Variants in CTNNBIP1 observed in about 807,000 individuals in gnomAD.
The protein encoded by CTNNBIP1 is beta-catenin-interacting protein 1.
A neutral mutation model predicts 11.8 loss-of-function variants in CTNNBIP1; 7 were observed. The ratio of observed to expected loss-of-function variants is 0.60; its 90% CI spans 0.34 to 1.12. The LOEUF is 1.12. Among genes scored for constraint, CTNNBIP1 ranks in the 50% most tolerant of loss-of-function variants. The pLI, the probability that CTNNBIP1 is intolerant of heterozygous loss-of-function variation, is 0.03. For synonymous variants in CTNNBIP1, 58 were observed against 43.9 expected (o/e 1.32, Z -1.26); for missense variants, 101 against 113.4 (o/e 0.89, Z 0.50).
intron 1 of CTNNBIP1, among the ~76,000 whole-genome samples, chr1:9,899,767 G>T (rs940194389): frequency 6.9e-6 from 1 of 144,264 alleles, no homozygotes; most frequent in Non-Finnish European, 1.5e-5. Flanking sequence ...CAAAAAAAAA[G>T]AAAGAAAGAA....
intron 3 of CTNNBIP1, among the ~76,000 whole-genome samples, chr1:9,875,411 G>A (rs1022825423): frequency 2.0e-5 from 3 of 152,182 alleles, no homozygotes; most frequent in African/African-American, 4.8e-5. Context: ...CCATGGGGCC[G>A]GCTTTACAGA....
chr1:9,902,761 CT>C (rs200463997), intron 1 of CTNNBIP1, among the ~76,000 whole-genome samples: 15,351 of 147,216 alleles, frequency 0.1, 2,541 homozygotes, highest in African/African-American at 0.35. Flanking sequence ...TGGGGAAGAA[CT>C]TTTTTTTTTT....
intron 1 of CTNNBIP1, among the ~76,000 whole-genome samples, chr1:9,899,371 G>A (rs543051190): frequency 3.4e-5 from 5 of 148,418 alleles, no homozygotes; most frequent in East Asian, 4.0e-4. Context: ...CAGGAGAATC[G>A]CTGGAACCTG....
chr1:9,865,475 G>A (rs1638724714), intron 5 of CTNNBIP1, among the ~76,000 whole-genome samples: 1 of 151,892 alleles, frequency 6.6e-6, no homozygotes, highest in Non-Finnish European at 1.5e-5. Flanking sequence ...GTGGTGGCGG[G>A]CGCCTGTAGT....
rs564930958 is a variant in CTNNBIP1, at chr1:9,872,750, G to C, written c.-24-662C>G. 4.9e-3 allele frequency among the ~76,000 whole-genome samples: 744 copies of C among 152,290 alleles called. 7 individuals carry two copies. The highest frequency in any genetic ancestry group is 0.017 in the African/African-American group (692 of 41,558). On this transcript the variant is annotated intron_variant, in intron 3 of 5. Transcript: ENST00000377263. The surrounding 1 kb of genome is among the most constrained non-coding windows in gnomAD (Gnocchi z 4.0). ...TGTCAGAGGGTAGCTCCTGCAGGCAGCTGGGAAGGCCAGCAGCGTGTCCAC... is the reference window on the plus strand; with the variant it reads ...TGTCAGAGGGTAGCTCCTGCAGGCACCTGGGAAGGCCAGCAGCGTGTCCAC...
chr1:9,863,632 CAT>C lies in CTNNBIP1; in HGVS notation c.187+7553_187+7554del, dbSNP rs959529609. On this transcript the variant is annotated intron_variant, in intron 5 of 5. Coordinates refer to ENST00000377263, the MANE Select transcript of CTNNBIP1 (RefSeq NM_020248.3). ...TGCACCAGAGGCGGGATGGGGGACT[CAT>C]GTGTGATGGTGAACACGGCACAGAC... Among the ~76,000 whole-genome samples, 44 of 152,328 alleles carry C rather than the reference CAT, an allele frequency of 2.9e-4. 1 individual carries two copies. Among genetic ancestry groups the C allele is most frequent in the Non-Finnish European group, 3.2e-4 (22 of 68,026 alleles).
chr1:9,850,912 G>A (rs1011768376), intron 5 of CTNNBIP1, 136 bp from the exon 6 acceptor site: 7 of 805,128 alleles, frequency 8.7e-6, no homozygotes, highest in East Asian at 2.5e-5. Flanking sequence ...AAGTACTTCC[G>A]AGGAAGTCTT....
chr1:9,902,401 A>G (rs894433476), intron 1 of CTNNBIP1, among the ~76,000 whole-genome samples: 3 of 152,246 alleles, frequency 2.0e-5, no homozygotes, highest in African/African-American at 7.2e-5. Context: ...CTGAAACTCA[A>G]GTTAACAGTC....
At chr1:9,906,792 CA>C (rs1639628945) in intron 1 of CTNNBIP1, among the ~76,000 whole-genome samples, 1 of 152,150 alleles carries the variant, frequency 6.6e-6, no homozygotes. Context: ...AAGACAGGGG[CA>C]GGGGCAGGAG....
At chr1:9,880,458 T>C (rs971758096) in intron 2 of CTNNBIP1, among the ~76,000 whole-genome samples, 5 of 152,232 alleles carry the variant, frequency 3.3e-5, no homozygotes, top group African/African-American at 9.6e-5. Context: ...TGTGTCTTTA[T>C]AGTGGAATGA....
chr1:9,857,945 T>C (rs1012404360), intron 5 of CTNNBIP1, among the ~76,000 whole-genome samples: 8 of 151,938 alleles, frequency 5.3e-5, no homozygotes, highest in Non-Finnish European at 1.2e-4. Context: ...CTGGTGGGAG[T>C]GTCAGGTGGT....
intron 5 of CTNNBIP1, among the ~76,000 whole-genome samples, chr1:9,862,082 G>A (rs1384282848): frequency 1.3e-5 from 2 of 148,652 alleles, no homozygotes; most frequent in Admixed American, 1.3e-4. Context: ...TGACCTTTGT[G>A]ATATGTCTTC....
intron 5 of CTNNBIP1, among the ~76,000 whole-genome samples, chr1:9,869,422 G>T (rs568043804): frequency 2.0e-5 from 3 of 152,274 alleles, no homozygotes; most frequent in Non-Finnish European, 4.4e-5. Flanking sequence ...GCCCAGGCTG[G>T]AGTGCAGCGG....
intron 1 of CTNNBIP1, among the ~76,000 whole-genome samples, chr1:9,901,527 A>G (rs1449956668): frequency 6.6e-6 from 1 of 152,084 alleles, no homozygotes; most frequent in African/African-American, 2.4e-5. Flanking sequence ...CAGGTCAAGG[A>G]CATTGACCAC....
At chr1:9,890,384 A>G (rs1639277016) in intron 1 of CTNNBIP1, among the ~76,000 whole-genome samples, 1 of 152,190 alleles carries the variant, frequency 6.6e-6, no homozygotes, top group African/African-American at 2.4e-5. Flanking sequence ...GTGGGGGGAC[A>G]AGGACAGAAG....
At chr1:9,908,027 C>T (rs1379216158) in intron 1 of CTNNBIP1, among the ~76,000 whole-genome samples, 3 of 152,204 alleles carry the variant, frequency 2.0e-5, no homozygotes, top group Non-Finnish European at 2.9e-5. Flanking sequence ...TTATTACGAC[C>T]TACAAAATCT....
At chr1:9,863,225 A>G (rs1034835040) in intron 5 of CTNNBIP1, among the ~76,000 whole-genome samples, 3 of 152,158 alleles carry the variant, frequency 2.0e-5, no homozygotes, top group African/African-American at 4.8e-5. Flanking sequence ...GACACAACTT[A>G]TACACCAAAT....
chr1:9,891,781 A>ATTTTTTTTTTT (rs70998316), intron 1 of CTNNBIP1, among the ~76,000 whole-genome samples: 1 of 81,412 alleles, frequency 1.2e-5, no homozygotes. Flanking sequence ...ATCTCTTTAA[A>ATTTTTTTTTTT]TTTTTTTTTT....
intron 1 of CTNNBIP1, among the ~76,000 whole-genome samples, chr1:9,892,824 C>T (rs1639336322): frequency 6.6e-6 from 1 of 152,140 alleles, no homozygotes; most frequent in Non-Finnish European, 1.5e-5. Context: ...CCTTCCTGAT[C>T]CTTTCCCCTC....
Sources: allele counts gnomAD v4.1 joint callset (sites outside exome capture counted in the v4.1 genomes callset), GRCh38; gene constraint gnomAD v4.1.1; non-coding constraint Gnocchi (gnomAD v3.1); transcripts MANE v1.5; gene names NCBI Gene and HGNC (gene_info 2026-07-23, HGNC 2026-07-21).